The following MAML2 variants were observed in gnomAD, a reference collection of about 807,000 sequenced individuals.
The protein encoded by MAML2 is mastermind-like protein 2.
In MAML2, 22 loss-of-function variants were observed where a neutral mutation model predicts 96.1. The ratio of observed to expected loss-of-function variants is 0.23; its 90% CI spans 0.16 to 0.33. MAML2 has a LOEUF of 0.33. MAML2 is among the 10% of genes least tolerant of loss of function. The probability of loss-of-function intolerance (pLI) is 1.00; values close to 1 mark genes in which losing one functional copy is unlikely to be tolerated. For missense variants in MAML2, 1,367 were observed against 1,392.4 expected (o/e 0.98, Z 0.29); for synonymous variants, 561 against 521.3 (o/e 1.08, Z -1.04).
chr11:95,994,141 C>T (rs1019539453), intron 2 of MAML2, among the ~76,000 whole-genome samples: 2 of 152,208 alleles, frequency 1.3e-5, no homozygotes. Context: ...TCATGCAGCA[C>T]TCTTCCCAGG....
intron 2 of MAML2, among the ~76,000 whole-genome samples, chr11:96,019,606 C>A (rs1858404490): frequency 6.6e-6 from 1 of 151,146 alleles, no homozygotes. Flanking sequence ...CTAAGGTAAC[C>A]TAACTTTCTG....
chr11:96,033,355 G>GT (rs1322056043), intron 2 of MAML2, among the ~76,000 whole-genome samples: 1 of 152,136 alleles, frequency 6.6e-6, no homozygotes, highest in Non-Finnish European at 1.5e-5. Flanking sequence ...TCTTAGGATT[G>GT]TAAGTTCCAT....
At chr11:96,333,146 T>C (rs1447682761) in intron 1 of MAML2, among the ~76,000 whole-genome samples, 1 of 152,182 alleles carries the variant, frequency 6.6e-6, no homozygotes, top group East Asian at 1.9e-4. Context: ...ATTACAAATA[T>C]AACTCAGCCA....
At chr11:96,273,778 T>C (rs1328706544) in intron 1 of MAML2, among the ~76,000 whole-genome samples, 1 of 152,306 alleles carries the variant, frequency 6.6e-6, no homozygotes, top group African/African-American at 2.4e-5. Context: ...GCCTGGTATA[T>C]AACAAGTAAG....
rs773331778 is a variant in MAML2 at position 96,091,917 on chromosome 11, T to G, written c.2114A>C (p.Tyr705Ser). The G allele has an allele frequency of 1.9e-6, 3 of 1,613,584 alleles. No homozygotes were observed. Among genetic ancestry groups the G allele is most frequent in the Non-Finnish European group, 2.5e-6 (3 of 1,179,716 alleles). The change falls in exon 2 of 5, where the codon TAC becomes TCC. Residue 705 changes from tyrosine to serine, a missense_variant. Transcript: ENST00000524717. ...MQNQPIAGMG[Y>S]QVSQQQRQDQ... ...CTGTCTCTGTTGTTGGGAGACTTGG[T>G]ATCCCATTCCTGCAATGGGCTGATT... is the stretch of plus-strand genomic sequence containing the variant.
chr11:96,326,572 G>A (rs1192392560), intron 1 of MAML2, among the ~76,000 whole-genome samples: 2 of 151,972 alleles, frequency 1.3e-5, no homozygotes, highest in Non-Finnish European at 2.9e-5. Context: ...CGAGGCGGGT[G>A]GATCACGAGG....
chr11:96,001,197 A>G (rs1858072793), intron 2 of MAML2, among the ~76,000 whole-genome samples: 1 of 152,184 alleles, frequency 6.6e-6, no homozygotes, highest in East Asian at 1.9e-4. Flanking sequence ...GTCTATTCTC[A>G]GCCTCTGGGG....
chr11:96,118,854 A>C (rs1389953553), intron 1 of MAML2, among the ~76,000 whole-genome samples: 1 of 152,180 alleles, frequency 6.6e-6, no homozygotes, highest in Non-Finnish European at 1.5e-5. Context: ...AAAGACAAAA[A>C]AAAATTCTTT....
At chr11:96,046,374 T>A (rs1858902101) in intron 2 of MAML2, among the ~76,000 whole-genome samples, 1 of 152,010 alleles carries the variant, frequency 6.6e-6, no homozygotes, top group Non-Finnish European at 1.5e-5. Context: ...TTTTAAGAAC[T>A]CAGGCTTAAA....
chr11:96,020,791 G>C (rs1241670693), intron 2 of MAML2, among the ~76,000 whole-genome samples: 1 of 152,202 alleles, frequency 6.6e-6, no homozygotes, highest in African/African-American at 2.4e-5. Context: ...TAGTGGCAGA[G>C]TGTAAGGAAG....
rs1462616190 is a variant in MAML2 at position 96,020,073 on chromosome 11, AG to A, written c.2140-28351del. On this transcript the variant is annotated intron_variant, in intron 2 of 4. Coordinates refer to ENST00000524717, the MANE Select transcript of MAML2 (RefSeq NM_032427.4). The stretch of plus-strand genomic sequence containing the variant: ...CAATGTTGGAGGTGCCAGTCAGTGA[AG>A]GGGAGTGCATGCAGAGGGAACAACC... Among the ~76,000 whole-genome samples, 4 of 152,262 alleles carry A rather than the reference AG, an allele frequency of 2.6e-5. No homozygotes were observed. In the East Asian group the frequency reaches 7.7e-4, roughly 29 times the overall value.
intron 1 of MAML2, among the ~76,000 whole-genome samples, chr11:96,210,704 C>T (rs1861959135): frequency 6.6e-6 from 1 of 152,060 alleles, no homozygotes; most frequent in Non-Finnish European, 1.5e-5. Flanking sequence ...TAGCACAGCA[C>T]CTAGCATAGA....
At chr11:96,148,676 A>ACACACAC (rs1425925191) in intron 1 of MAML2, among the ~76,000 whole-genome samples, 6 of 145,912 alleles carry the variant, frequency 4.1e-5, no homozygotes, top group Non-Finnish European at 9.0e-5. Flanking sequence ...ACACACACAC[A>ACACACAC]CACACACACA....
Position 96,343,189 on chromosome 11 carries a change from A to G in MAML2, c.-1294T>C, listed in dbSNP as rs567649908. 475 of 245,742 alleles carry G rather than the reference A, an allele frequency of 1.9e-3. No individual in the cohort carries two copies. The highest frequency in any genetic ancestry group is 3.2e-3 in the Non-Finnish European group (419 of 132,282). The allele number at this position is 245,742 out of a possible 1,614,324, so 15.2% of individuals were successfully genotyped here. A position where few individuals can be genotyped will look rare whatever the true frequency, so the allele number is the denominator to read the frequency against. ...TCCGATAGGAGAGGGAGAGAAAGAG[A>G]GAGAGTGAGACAGAGAAGGAGAAAG... On this transcript the variant is annotated 5_prime_UTR_variant, in exon 1 of 5. Coordinates refer to ENST00000524717, the MANE Select transcript of MAML2 (RefSeq NM_032427.4).
intron 1 of MAML2, among the ~76,000 whole-genome samples, chr11:96,308,381 ACT>A (rs1262135414): frequency 2.0e-5 from 3 of 152,064 alleles, no homozygotes; most frequent in African/African-American, 7.3e-5. Flanking sequence ...GTCATTCAAG[ACT>A]CTGTGTATTT....
chr11:96,204,050 C>T (rs1454104322), intron 1 of MAML2, among the ~76,000 whole-genome samples: 1 of 152,058 alleles, frequency 6.6e-6, no homozygotes, highest in East Asian at 1.9e-4. Context: ...TACAGAGATG[C>T]TGTCAGCATC....
chr11:96,275,867 G>A lies in MAML2; in HGVS notation c.513+65516C>T, dbSNP rs115986793. On this transcript the variant is annotated intron_variant, in intron 1 of 4. Transcript: ENST00000524717. ...TATAATTAGCCATATCATCAATGTC[G>A]TTAGCTCTTCACTATGGGTAAGAGC... 1.6e-3 allele frequency among the ~76,000 whole-genome samples: 247 copies of A among 152,172 alleles called. 1 individual carries two copies. Among genetic ancestry groups the A allele is most frequent in the African/African-American group, 5.7e-3 (236 of 41,504 alleles).
intron 2 of MAML2, among the ~76,000 whole-genome samples, chr11:96,044,735 T>G (rs1858868951): frequency 6.6e-6 from 1 of 152,178 alleles, no homozygotes; most frequent in Admixed American, 6.5e-5. Context: ...CATTGGCAAG[T>G]TTTTCTGACT....
intron 1 of MAML2, among the ~76,000 whole-genome samples, chr11:96,114,316 G>A (rs1162646190): frequency 2.0e-5 from 3 of 152,190 alleles, no homozygotes; most frequent in African/African-American, 4.8e-5. Flanking sequence ...GGTACCAAGA[G>A]TCTTGGTGAG....
Sources: gnomAD v4.1 joint callset for allele counts (sites outside exome capture counted in the v4.1 genomes callset) on GRCh38, gnomAD v4.1.1 for gene constraint, MANE v1.5 for transcripts, NCBI Gene and HGNC (gene_info 2026-07-23, HGNC 2026-07-21) for gene names.